DEUP1: variants seen among roughly 807,000 people sequenced by gnomAD.
The protein encoded by DEUP1 is deuterosome assembly protein 1, also known as coiled-coil domain containing 67.
In DEUP1, 82 loss-of-function variants were observed where a neutral mutation model predicts 87.4. The observed-to-expected ratio is 0.94, with a 90% CI of 0.78 to 1.13. DEUP1 has a LOEUF of 1.13. Ranked by LOEUF, DEUP1 falls within the 50% of genes most tolerant of loss-of-function variation. DEUP1 has a pLI of 0.00. For synonymous variants in DEUP1, 214 were observed against 222.7 expected, an observed-to-expected ratio of 0.96 and a Z score of 0.35; for missense variants, 663 against 681.5, an observed-to-expected ratio of 0.97 and a Z score of 0.30.
At chr11:93,363,637 A>G (rs1383989222) in intron 4 of DEUP1, among the ~76,000 whole-genome samples, 9 of 152,002 alleles carry the variant, frequency 5.9e-5, no homozygotes, top group African/African-American at 1.9e-4. Flanking sequence ...ATGTTATAAA[A>G]AGAATTATCA....
intron 4 of DEUP1, 65 bp from the exon 5 acceptor site, chr11:93,364,095 T>G: frequency 8.4e-7 from 1 of 1,187,268 alleles, no homozygotes; most frequent in Non-Finnish European, 1.2e-6. Context: ...GGAAAAGAGA[T>G]ATAGTGAAAT....
At chr11:93,428,067 G>A (rs944614296) in intron 13 of DEUP1, among the ~76,000 whole-genome samples, 11 of 152,146 alleles carry the variant, frequency 7.2e-5, no homozygotes, top group Middle Eastern at 3.4e-3. Flanking sequence ...TCAGTGTGGC[G>A]ATTCCTCAGG....
At chr11:93,434,264 C>T (rs573460351) in intron 13 of DEUP1, among the ~76,000 whole-genome samples, 1 of 152,262 alleles carries the variant, frequency 6.6e-6, no homozygotes, top group African/African-American at 2.4e-5. Context: ...TGCAATTGGT[C>T]GCTGACACCT....
At chr11:93,420,063 A>C (rs1947820928) in intron 13 of DEUP1, among the ~76,000 whole-genome samples, 1 of 152,188 alleles carries the variant, frequency 6.6e-6, no homozygotes, top group Non-Finnish European at 1.5e-5. Context: ...AACTCATTTT[A>C]TGAGGCCAGC....
At chr11:93,394,686 T>C in intron 10 of DEUP1, 30 bp downstream of exon 10, 3 of 1,509,444 alleles carry the variant, frequency 2.0e-6, no homozygotes, top group Non-Finnish European at 2.7e-6. Context: ...AGCACTTGTC[T>C]AGGGCACATT....
intron 8 of DEUP1, among the ~76,000 whole-genome samples, chr11:93,386,126 TC>T (rs1255331454): frequency 6.6e-6 from 1 of 152,182 alleles, no homozygotes; most frequent in African/African-American, 2.4e-5. Flanking sequence ...TAAGATTTAT[TC>T]TATATTTTTA....
At chr11:93,338,975 T>C (rs1943916567) in intron 2 of DEUP1, among the ~76,000 whole-genome samples, 1 of 152,164 alleles carries the variant, frequency 6.6e-6, no homozygotes, top group Non-Finnish European at 1.5e-5. Flanking sequence ...AATGGTTACA[T>C]AGGAATGGCT....
chr11:93,401,884 C>T (rs961143329), intron 11 of DEUP1, among the ~76,000 whole-genome samples: 1 of 151,858 alleles, frequency 6.6e-6, no homozygotes, highest in African/African-American at 2.4e-5. Flanking sequence ...AAATCTAAGA[C>T]AGGAAACTAT....
chr11:93,337,242 C>A (rs1314783735), intron 2 of DEUP1, among the ~76,000 whole-genome samples: 2 of 152,126 alleles, frequency 1.3e-5, no homozygotes, highest in Non-Finnish European at 2.9e-5. Context: ...TTAAAGTATT[C>A]TTTCCCTCTG....
chr11:93,356,667 A>T (rs1333957737), intron 3 of DEUP1, among the ~76,000 whole-genome samples: 1 of 152,204 alleles, frequency 6.6e-6, no homozygotes, highest in East Asian at 1.9e-4. Context: ...CCAAAAGGAT[A>T]ATGCAAAGTA....
Position 93,355,463 on chromosome 11 carries a change from G to A in DEUP1, c.122G>A (p.Arg41Gln), listed in dbSNP as rs758750223. The A allele has an allele frequency of 4.5e-5, 73 of 1,613,588 alleles. No homozygotes were observed. The highest frequency in any genetic ancestry group is 2.0e-4 in the Admixed American group (12 of 59,978). Residue 41 changes from arginine (R) to glutamine (Q), a missense_variant, in exon 3 of 14, where the codon CGG becomes CAG. By Grantham distance (43) the Arg-to-Gln change is conservative. Transcript: ENST00000298050. ...AAAATGGATTGGGAAAGAAAGATGC[G>A]GGCTTTGGAGACACGATTAGATCTT... ...NKKMDWERKM[R>Q]ALETRLDLRD...
intron 5 of DEUP1, 114 bp downstream of exon 5, chr11:93,364,408 T>C: frequency 2.3e-6 from 2 of 873,776 alleles, no homozygotes; most frequent in Non-Finnish European, 3.6e-6. Flanking sequence ...ATAAACACTA[T>C]TACAAACTAA....
chr11:93,418,636 G>A (rs1013267000), intron 13 of DEUP1, among the ~76,000 whole-genome samples: 1 of 151,772 alleles, frequency 6.6e-6, no homozygotes, highest in African/African-American at 2.4e-5. Flanking sequence ...ATTCCTCAGG[G>A]ATCTAGAACT....
chr11:93,343,847 T>C (rs1944197245), intron 2 of DEUP1, among the ~76,000 whole-genome samples: 1 of 152,198 alleles, frequency 6.6e-6, no homozygotes, highest in Non-Finnish European at 1.5e-5. Flanking sequence ...AAGCACTTTT[T>C]TTTAGAATAA....
Position 93,408,284 on chromosome 11 carries a change from G to T in DEUP1, c.1380G>T (p.Leu460=). 1 of 1,585,334 alleles carries T rather than the reference G, an allele frequency of 6.3e-7. No homozygotes were observed. The highest frequency in any genetic ancestry group is 1.3e-5 in the African/African-American group (1 of 74,524). The change falls in exon 12 of 14, where the codon CTG becomes CTT. Residue 460 remains leucine, a synonymous_variant. Transcript: ENST00000298050. ...EQSRHTSINK[L]QYENERLRND... ...CAAGGCATACATCTATTAATAAACT[G>T]CAATATGAGAATGAAAGGCTCCGAA...
chr11:93,340,473 C>G (rs1944009821), intron 2 of DEUP1, among the ~76,000 whole-genome samples: 1 of 152,128 alleles, frequency 6.6e-6, no homozygotes, highest in Non-Finnish European at 1.5e-5. Flanking sequence ...AGACCTTAGT[C>G]AAGGCTTCAG....
chr11:93,432,799 C>T (rs1391233340), intron 13 of DEUP1, among the ~76,000 whole-genome samples: 1 of 151,946 alleles, frequency 6.6e-6, no homozygotes. Flanking sequence ...GAAATGCTGG[C>T]GTGGGAGTAC....
At position 93,415,058 on chromosome 11, in the gene DEUP1, T is replaced by C; in HGVS notation, c.1582T>C (p.Phe528Leu). 1 of 1,610,086 alleles carries C rather than the reference T, an allele frequency of 6.2e-7. No individual in the cohort carries two copies. The highest frequency in any genetic ancestry group is 8.5e-7 in the Non-Finnish European group (1 of 1,178,482). ...AATGCCTCCCTTGCCACCTTCGACA[T>C]TTCAAGCCAAAGAAATGACAAGTCC... ...STMPPLPPSTFQAKEMTSPLV... is the reference protein window; with the variant it reads ...STMPPLPPSTLQAKEMTSPLV... Residue 528 changes from phenylalanine (F) to leucine (L), a missense_variant, in exon 13 of 14, where the codon TTT (phenylalanine) becomes CTT (leucine). Physicochemically the swap from Phe to Leu is conservative, Grantham distance 22. Transcript: ENST00000298050.
intron 9 of DEUP1, among the ~76,000 whole-genome samples, chr11:93,389,799 G>A: frequency 6.6e-6 from 1 of 152,178 alleles, no homozygotes; most frequent in African/African-American, 2.4e-5. Flanking sequence ...ATGAGATAAT[G>A]CACTTAAAGT....
Sources: allele counts gnomAD v4.1 joint callset (sites outside exome capture counted in the v4.1 genomes callset), GRCh38; gene constraint gnomAD v4.1.1; transcripts MANE v1.5; gene names NCBI Gene and HGNC (gene_info 2026-07-23, HGNC 2026-07-21).